CDKL5: variants seen among roughly 807,000 people sequenced by gnomAD.
CDKL5 encodes the protein cyclin-dependent kinase-like 5.
CDKL5 carries 8 observed loss-of-function variants against 61.7 expected under a neutral mutation model. That is an observed-to-expected ratio of 0.13 (90% CI 0.08 to 0.23). CDKL5 has a LOEUF of 0.23. CDKL5 is among the 10% of genes least tolerant of loss of function. CDKL5 has a pLI of 1.00. For missense variants in CDKL5, 440 were observed against 734.5 expected (o/e 0.60, Z 4.63); for synonymous variants, 275 against 272.3 (o/e 1.01, Z -0.10).
At chrX:18,431,749 C>A (rs1172391018) in intron 1 of CDKL5, among the ~76,000 whole-genome samples, 1 of 110,968 alleles carries the variant, frequency 9.0e-6, no homozygotes, top group African/African-American at 3.3e-5. Flanking sequence ...ACTTTACATA[C>A]CATAAAACTC....
intron 15 of CDKL5, among the ~76,000 whole-genome samples, chrX:18,616,285 A>G (rs1354149682): frequency 8.9e-6 from 1 of 112,079 alleles, no homozygotes; most frequent in Non-Finnish European, 1.9e-5. Context: ...ACTGCTGTCA[A>G]TTGGGTTAAA....
At chrX:18,645,711 A>C (rs181778845) in intron 19 of CDKL5, among the ~76,000 whole-genome samples, 11 of 111,207 alleles carry the variant, frequency 9.9e-5, no homozygotes, top group African/African-American at 2.6e-4. Flanking sequence ...TTTTCTTAAA[A>C]CACAAATGTG....
intron 1 of CDKL5, chrX:18,442,302 A>G (rs1370330071): frequency 9.0e-6 from 1 of 110,666 alleles, no homozygotes; most frequent in Non-Finnish European, 1.9e-5. Context: ...GTGGTTTCAC[A>G]CTATCTTTTC....
intron 4 of CDKL5, among the ~76,000 whole-genome samples, chrX:18,566,483 A>G (rs886699132): frequency 8.9e-6 from 1 of 112,187 alleles, no homozygotes; most frequent in Admixed American, 9.4e-5. Context: ...AGTAAATACC[A>G]TGTTCTTTAT....
chrX:18,453,876 T>C (rs924426951), intron 1 of CDKL5, among the ~76,000 whole-genome samples: 10 of 112,497 alleles, frequency 8.9e-5, no homozygotes, highest in African/African-American at 3.2e-4. Flanking sequence ...CAGTGATTTA[T>C]TGAGCTCGTT....
chrX:18,601,828 A>C (rs1469934105), intron 11 of CDKL5, among the ~76,000 whole-genome samples: 1 of 112,401 alleles, frequency 8.9e-6, no homozygotes, highest in Non-Finnish European at 1.9e-5. Context: ...AGGCTCAAGC[A>C]GCTGCCTTTG....
intron 17 of CDKL5, 51 bp downstream of exon 17, chrX:18,625,298 C>G: frequency 1.7e-6 from 2 of 1,185,219 alleles, no homozygotes; most frequent in Non-Finnish European, 2.3e-6. Context: ...CAGTAACTGT[C>G]CTGAGGAGCG....
In CDKL5 at chrX:18,609,525, C is replaced by G. The variant is rs776965205; in HGVS notation, c.2107C>G (p.Leu703Val). 2.5e-6 allele frequency: 3 copies of G among 1,211,822 alleles called. No homozygotes were observed. Among genetic ancestry groups the G allele is most frequent in the Admixed American group, 4.3e-5 (2 of 46,066 alleles). Residue 703 changes from leucine to valine, a missense_variant, in exon 14 of 18, where the codon CTA (leucine) becomes GTA (valine). By Grantham distance (32) the Leu-to-Val change is conservative. Around this residue, in one of 2 missense-constraint regions of CDKL5, gnomAD observed 363 missense variants for 516.3 expected, o/e 0.70. Coordinates refer to ENST00000623535, the MANE Select transcript of CDKL5 (RefSeq NM_001323289.2). Reference sequence around the variant, plus strand: ...CACAGCCCCCAAAGAAAATAGACACCTATACAATGATCCTGTGCCAAGGAG... The same window carrying G: ...CACAGCCCCCAAAGAAAATAGACACGTATACAATGATCCTGTGCCAAGGAG... ...DGTAPKENRHLYNDPVPRRVG... is the reference protein window; with the variant it reads ...DGTAPKENRHVYNDPVPRRVG...
intron 3 of CDKL5, among the ~76,000 whole-genome samples, chrX:18,562,759 C>T (rs772077678): frequency 2.1e-4 from 23 of 111,221 alleles, no homozygotes; most frequent in African/African-American, 7.5e-4. Context: ...ATACATAAAC[C>T]ATATCGGGGG....
At chrX:18,602,810 T>G (rs1168854632) in intron 11 of CDKL5, among the ~76,000 whole-genome samples, 1 of 112,043 alleles carries the variant, frequency 8.9e-6, no homozygotes, top group South Asian at 3.7e-4. Context: ...CCAATTAGTG[T>G]GTCATGGGAA....
At chrX:18,426,265 A>T (rs1931365386) in intron 1 of CDKL5, 1 of 112,987 alleles carries the variant, frequency 8.9e-6, no homozygotes, top group African/African-American at 3.2e-5. Context: ...CCCCCGGACA[A>T]GTTTCAGGCG....
chrX:18,628,227 C>T, intron 17 of CDKL5, 144 bp from the exon 18 acceptor site: 1 of 585,485 alleles, frequency 1.7e-6, no homozygotes, highest in Admixed American at 2.4e-5. Flanking sequence ...ACCCGAAGAA[C>T]AGATATGGCT....
At chrX:18,503,020 G>T (rs1422492477) in intron 1 of CDKL5, among the ~76,000 whole-genome samples, 1 of 112,034 alleles carries the variant, frequency 8.9e-6, no homozygotes, top group Non-Finnish European at 1.9e-5. Flanking sequence ...AATATGGAAA[G>T]AATTGATACC....
intron 3 of CDKL5, among the ~76,000 whole-genome samples, chrX:18,511,121 A>G (rs755096347): frequency 8.9e-6 from 1 of 112,043 alleles, no homozygotes; most frequent in Admixed American, 9.5e-5. Flanking sequence ...ATTTTATGCA[A>G]TATTTTAAGT....
At chrX:18,546,357 G>A (rs1238291011) in intron 3 of CDKL5, among the ~76,000 whole-genome samples, 4 of 106,262 alleles carry the variant, frequency 3.8e-5, no homozygotes, top group Non-Finnish European at 5.8e-5. Flanking sequence ...CGCCTCCCAG[G>A]TTCAAATGAT....
In CDKL5 at chrX:18,637,418, C is replaced by T. The variant is rs1319678608; in HGVS notation, c.*8661C>T. 1 of 104,560 alleles carries T rather than the reference C, an allele frequency of 9.6e-6. No homozygotes were observed. The highest frequency in any genetic ancestry group is 1.9e-5 in the Non-Finnish European group (1 of 51,409). 8.6% of individuals were successfully genotyped at this position (104,560 alleles called of 1,213,427 possible). On this transcript the variant is annotated 3_prime_UTR_variant, in exon 18 of 18. Coordinates refer to ENST00000623535, the MANE Select transcript of CDKL5 (RefSeq NM_001323289.2). ...AAAAAAAAAAAATACAAAAATTAGC[C>T]GGGAATGGTGGTGAATGTCTATAAT...
chrX:18,598,426 T>C lies in CDKL5; in HGVS notation c.826-36T>C, dbSNP rs1367491427. On this transcript the variant is annotated intron_variant, in intron 10 of 17. Transcript: ENST00000623535. ...TTATTAGAACTTAAATTTGACTTTG[T>C]AATGTTCTTAACGATCCTAAATTTT... The C allele has an allele frequency of 2.6e-6, 3 of 1,151,686 alleles. No individual in the cohort carries two copies. The South Asian group carries it at 5.5e-5, about 21-fold the overall frequency. 94.9% of individuals were successfully genotyped at this position (1,151,686 alleles called of 1,213,427 possible). A position where few individuals can be genotyped will look rare whatever the true frequency, so the allele number is the denominator to read the frequency against.
chrX:18,450,389 T>A (rs1478708941), intron 1 of CDKL5, among the ~76,000 whole-genome samples: 1 of 111,860 alleles, frequency 8.9e-6, no homozygotes, highest in Non-Finnish European at 1.9e-5. Flanking sequence ...TTCCTGTTAT[T>A]CATTCTTTCT....
chrX:18,478,580 C>T (rs912235825), intron 1 of CDKL5, among the ~76,000 whole-genome samples: 1 of 109,599 alleles, frequency 9.1e-6, no homozygotes, highest in African/African-American at 3.3e-5. Context: ...TGTGAGCCAC[C>T]GTGCCTGGCC....
Sources: gnomAD v4.1 joint callset for allele counts (sites outside exome capture counted in the v4.1 genomes callset) on GRCh38, gnomAD v4.1.1 for gene constraint, gnomAD v4.1.1 regional missense constraint, MANE v1.5 for transcripts, NCBI Gene and HGNC (gene_info 2026-07-23, HGNC 2026-07-21) for gene names.